PTK2B: variants seen among roughly 807,000 people sequenced by gnomAD.
PTK2B encodes the protein protein tyrosine kinase 2 beta, also known as protein-tyrosine kinase 2-beta.
In PTK2B, 71 loss-of-function variants were observed where a neutral mutation model predicts 142.9. The observed-to-expected ratio is 0.50, with a 90% CI of 0.41 to 0.61. The LOEUF is 0.61. PTK2B is among the 20% of genes least tolerant of loss of function. PTK2B has a pLI of 0.00. For missense variants in PTK2B, 1,105 were observed against 1,320.4 expected, an observed-to-expected ratio of 0.84 and a Z score of 2.53; for synonymous variants, 519 against 503.4, an observed-to-expected ratio of 1.03 and a Z score of -0.42.
chr8:27,458,248 A>G (rs1247890540), intron 30 of PTK2B, 46 bp from the exon 31 acceptor site: 3 of 1,576,384 alleles, frequency 1.9e-6, no homozygotes, highest in Non-Finnish European at 2.6e-6. Context: ...TCCTCCAAGC[A>G]CAGACTTTGT....
At chr8:27,370,561 A>G (rs774153799) in intron 1 of PTK2B, among the ~76,000 whole-genome samples, 10 of 152,166 alleles carry the variant, frequency 6.6e-5, no homozygotes, top group Non-Finnish European at 1.3e-4. Flanking sequence ...TCCCTTTTGT[A>G]AAATATGCCT....
chr8:27,377,708 G>A (rs888069637), intron 1 of PTK2B, among the ~76,000 whole-genome samples: 27 of 152,218 alleles, frequency 1.8e-4, no homozygotes, highest in African/African-American at 6.5e-4. Context: ...TGTCACGGGA[G>A]GGTATTTTTA....
chr8:27,370,400 G>A (rs982273586), intron 1 of PTK2B, among the ~76,000 whole-genome samples: 5 of 152,194 alleles, frequency 3.3e-5, no homozygotes, highest in Non-Finnish European at 7.3e-5. Context: ...TCAAGACCAC[G>A]TTATTAGCTT....
chr8:27,314,706 T>C (rs1803056521), intron 3 of PTK2B, among the ~76,000 whole-genome samples: 1 of 152,232 alleles, frequency 6.6e-6, no homozygotes, highest in Admixed American at 6.5e-5. Flanking sequence ...TCCCACACTG[T>C]GGAGTTTACT....
intron 1 of PTK2B, among the ~76,000 whole-genome samples, chr8:27,350,609 G>A (rs6987305): frequency 0.38 from 58,265 of 151,852 alleles, 11,592 homozygotes; most frequent in South Asian, 0.51. Flanking sequence ...CTCCTGCTTC[G>A]TAATAAAGTT....
chr8:27,378,913 T>C (rs2131061869), intron 1 of PTK2B, among the ~76,000 whole-genome samples: 1 of 152,234 alleles, frequency 6.6e-6, no homozygotes, highest in East Asian at 1.9e-4. Context: ...TCCTGTGTGC[T>C]TCAGAAACCT....
At chr8:27,310,841 T>C, upstream of PTK2B, 1 of 1,608,130 alleles carries the variant, frequency 6.2e-7, no homozygotes, top group South Asian at 1.1e-5. Flanking sequence ...CTGCACGCGG[T>C]GCCCCTGGTG....
At chr8:27,430,255 T>G (rs779100237) in intron 6 of PTK2B, 100 bp downstream of exon 6, 2 of 1,578,726 alleles carry the variant, frequency 1.3e-6, no homozygotes, top group Non-Finnish European at 1.7e-6. Context: ...CAGAGCCACA[T>G]AGGGCCGTCT....
At chr8:27,454,643 C>G in intron 30 of PTK2B, 32 bp downstream of exon 30, 1 of 1,605,588 alleles carries the variant, frequency 6.2e-7, no homozygotes, top group South Asian at 1.1e-5. Flanking sequence ...GCACCATAGG[C>G]TGTTGCTTTG....
chr8:27,429,967 C>G (rs928307156), intron 5 of PTK2B, 126 bp from the exon 6 acceptor site: 2 of 868,790 alleles, frequency 2.3e-6, no homozygotes, highest in Admixed American at 3.6e-5. Context: ...ACTCTCCTAA[C>G]TTCCTTTCTC....
Position 27,360,011 on chromosome 8 carries a change from A to G in PTK2B, c.-38+34330A>G, listed in dbSNP as rs117176612. Among the ~76,000 whole-genome samples, 277 of 152,202 alleles carry G rather than the reference A, an allele frequency of 1.8e-3. 1 individual carries two copies. The highest frequency in any genetic ancestry group is 3.3e-3 in the Non-Finnish European group (227 of 68,000). On this transcript the variant is annotated intron_variant, in intron 1 of 30. Coordinates refer to ENST00000346049, the MANE Select transcript of PTK2B (RefSeq NM_173176.3). The stretch of plus-strand genomic sequence containing the variant: ...CACACTGCTTTAGATTTTTCCGGAT[A>G]TTTCTGACACCTGAGAATTTCTTCT...
upstream of PTK2B, among the ~76,000 whole-genome samples, chr8:27,321,435 A>C (rs1803214726): frequency 6.6e-6 from 1 of 152,192 alleles, no homozygotes; most frequent in African/African-American, 2.4e-5. Context: ...AGGCCAAAAT[A>C]AAGTAACCCA....
At chr8:27,390,223 A>C (rs1478616879) in intron 1 of PTK2B, among the ~76,000 whole-genome samples, 1 of 152,184 alleles carries the variant, frequency 6.6e-6, no homozygotes, top group Non-Finnish European at 1.5e-5. Flanking sequence ...GGGCAGGTGC[A>C]TGGAGGAAGG....
intron 30 of PTK2B, among the ~76,000 whole-genome samples, chr8:27,454,948 T>C (rs1563307552): frequency 1.0e-5 from 1 of 95,356 alleles, no homozygotes; most frequent in East Asian, 3.2e-4. Context: ...TTAACATGGA[T>C]GTGTCATAGA....
chr8:27,390,744 G>A (rs1032677673), intron 1 of PTK2B, among the ~76,000 whole-genome samples: 1 of 152,206 alleles, frequency 6.6e-6, no homozygotes, highest in Non-Finnish European at 1.5e-5. Context: ...CTTAAAAAAT[G>A]TATGTGCCAA....
chr8:27,316,881 C>T lies in PTK2B; in HGVS notation c.-414+3594C>T, dbSNP rs528638990. On this transcript the variant is annotated intron_variant, in intron 3 of 35. Transcript: ENST00000397501. ...TTATTTGACCTATACTTTTTTCTGTCTGTATCATTTATGATCTTTTAAGCT... is the reference window on the plus strand; with the variant it reads ...TTATTTGACCTATACTTTTTTCTGTTTGTATCATTTATGATCTTTTAAGCT... Among the ~76,000 whole-genome samples the T allele has an allele frequency of 3.3e-5, 5 of 152,278 alleles. No individual in the cohort carries two copies. In the South Asian group the frequency reaches 1.0e-3, roughly 32 times the overall value.
chr8:27,401,609 A>G (rs989063230), intron 2 of PTK2B, among the ~76,000 whole-genome samples: 3 of 152,244 alleles, frequency 2.0e-5, no homozygotes, highest in Non-Finnish European at 4.4e-5. Context: ...GAAGGCACAT[A>G]GCGGGTTTGA....
chr8:27,430,848 T>G, intron 7 of PTK2B, 28 bp from the exon 8 acceptor site: 1 of 1,608,976 alleles, frequency 6.2e-7, no homozygotes, highest in Non-Finnish European at 8.5e-7. Flanking sequence ...GAGCAGGCAT[T>G]GCTCACACGG....
chr8:27,440,144 C>G (rs948705016), intron 20 of PTK2B, 93 bp from the exon 21 acceptor site: 3 of 1,325,284 alleles, frequency 2.3e-6, no homozygotes, highest in African/African-American at 1.5e-5. Flanking sequence ...AGGAGCTGCT[C>G]CTGGTGGAGA....
Sources: gnomAD v4.1 joint callset for allele counts (sites outside exome capture counted in the v4.1 genomes callset) on GRCh38, gnomAD v4.1.1 for gene constraint, MANE v1.5 for transcripts, NCBI Gene and HGNC (gene_info 2026-07-23, HGNC 2026-07-21) for gene names.